The following MEGF11 variants were observed in gnomAD, a reference collection of about 807,000 sequenced individuals.
MEGF11 encodes the protein multiple EGF like domains 11, also known as multiple epidermal growth factor-like domains protein 11.
In MEGF11, 126 loss-of-function variants were observed where a neutral mutation model predicts 146.6. The ratio of observed to expected loss-of-function variants is 0.86; its 90% confidence interval spans 0.74 to 1.00. The LOEUF is 1.00. Ranked by LOEUF, MEGF11 falls within the 50% of genes least tolerant of loss-of-function variation. The probability of loss-of-function intolerance (pLI) is 0.00; values close to 1 mark genes in which losing one functional copy is unlikely to be tolerated. For missense variants in MEGF11, 1,509 were observed against 1,521.2 expected (o/e 0.99, Z 0.13); for synonymous variants, 532 against 583.4 (o/e 0.91, Z 1.27).
intron 10 of MEGF11, among the ~76,000 whole-genome samples, chr15:65,940,555 C>A (rs1252341685): frequency 1.3e-5 from 2 of 152,256 alleles, no homozygotes; most frequent in African/African-American, 4.8e-5. Context: ...GCAGAGCAAA[C>A]CTCGCTGGAC....
At chr15:65,939,994 T>C (rs1274043159) in intron 10 of MEGF11, among the ~76,000 whole-genome samples, 1 of 152,172 alleles carries the variant, frequency 6.6e-6, no homozygotes, top group Non-Finnish European at 1.5e-5. Context: ...ATTCAGGAAA[T>C]GTTTCTTAAG....
At chr15:66,078,447 G>A (rs76705337) in intron 5 of MEGF11, among the ~76,000 whole-genome samples, 3,153 of 152,320 alleles carry the variant, frequency 0.021, 115 homozygotes, top group African/African-American at 0.072. Flanking sequence ...ATGGGGCTGC[G>A]TCAGGAGGAA....
At chr15:66,045,869 G>A (rs191998713) in intron 5 of MEGF11, among the ~76,000 whole-genome samples, 64 of 152,234 alleles carry the variant, frequency 4.2e-4, no homozygotes, top group Non-Finnish European at 5.9e-4. Flanking sequence ...TTGGGAGGTC[G>A]AGGTGGGTGG....
Position 65,898,056 on chromosome 15 carries a change from T to TA in MEGF11, c.3300dup (p.Asn1101Ter), listed in dbSNP as rs765266413. ...TATGCATTCTGGATATAGCTGGAGT[T>TA]ATGACCGCAACCTTCTTGGACCACA... On this transcript the variant is annotated frameshift_variant, in exon 26 of 26. Transcript: ENST00000395614. LOFTEE classifies it high-confidence loss of function. 1.9e-6 allele frequency: 3 copies of TA among 1,613,972 alleles called. No individual in the cohort carries two copies. Among genetic ancestry groups the TA allele is most frequent in the Non-Finnish European group, 2.5e-6 (3 of 1,179,862 alleles).
chr15:65,929,784 G>C lies in MEGF11; in HGVS notation c.1508C>G (p.Pro503Arg). 1 of 1,561,514 alleles carries C rather than the reference G, an allele frequency of 6.4e-7. No homozygotes were observed. The highest frequency in any genetic ancestry group is 8.7e-7 in the Non-Finnish European group (1 of 1,152,802). Residue 503 changes from proline to arginine, a missense_variant, in exon 12 of 26, where the codon CCC (proline) becomes CGC (arginine). Physicochemically the swap from Pro to Arg is moderately radical, Grantham distance 103 (BLOSUM62 -2). Coordinates refer to ENST00000395614, the MANE Select transcript of MEGF11 (RefSeq NM_001385028.1). ...CTCANGAACS[P>R]IDGSCSCTPG... ...AGTGCAGGAGCAGGAGCCGTCTATG[G>C]GGCTGCAGGCTGCCCCATTGGCACA...
intron 1 of MEGF11, among the ~76,000 whole-genome samples, chr15:66,170,768 C>T (rs954030870): frequency 6.6e-6 from 1 of 152,144 alleles, no homozygotes; most frequent in Non-Finnish European, 1.5e-5. Flanking sequence ...CCCCCACTCC[C>T]CATCCCCACC....
chr15:65,992,643 A>AGGGACTTTATCG (rs1273739298), intron 5 of MEGF11, among the ~76,000 whole-genome samples: 9 of 149,088 alleles, frequency 6.0e-5, no homozygotes, highest in Admixed American at 6.7e-5. Context: ...GGACTTTATC[A>AGGGACTTTATCG]GGGACTTTAT....
chr15:66,237,437 G>T (rs986166790), intron 1 of MEGF11, among the ~76,000 whole-genome samples: 53 of 152,148 alleles, frequency 3.5e-4, no homozygotes, highest in Non-Finnish European at 5.9e-5. Context: ...CCTAACATCT[G>T]CTGTTATCTC....
At chr15:65,903,375 AG>A (rs1203389310) in intron 24 of MEGF11, among the ~76,000 whole-genome samples, 1 of 152,208 alleles carries the variant, frequency 6.6e-6, no homozygotes, top group Non-Finnish European at 1.5e-5. Flanking sequence ...GGGAAATAGA[AG>A]GGTGTTGAGC....
Position 66,128,384 on chromosome 15 carries a change from C to T in MEGF11, c.20G>A (p.Gly7Glu). ...TTGCAGGAAGGAGAAGGCAATGAGC[C>T]CCGTCAGGGAGAGCACCATCCCGGG... MVLSLT[G>E]LIAFSFLQAT... is the part of the protein sequence containing the mutation. The change falls in exon 2 of 26, where the codon GGG becomes GAG. Residue 7 changes from glycine (G) to glutamate (E), a missense_variant. Transcript: ENST00000395614. The T allele has an allele frequency of 6.6e-7, 1 of 1,518,510 alleles. No individual in the cohort carries two copies. The allele number at this position is 1,518,510 out of a possible 1,614,324, so 94.1% of individuals were successfully genotyped here.
chr15:65,953,117 A>G (rs2080463159), intron 10 of MEGF11, among the ~76,000 whole-genome samples: 1 of 152,208 alleles, frequency 6.6e-6, no homozygotes, highest in Non-Finnish European at 1.5e-5. Flanking sequence ...TCCTACTGGT[A>G]TCACGGGCAT....
intron 4 of MEGF11, among the ~76,000 whole-genome samples, chr15:66,110,282 C>T (rs931493159): frequency 4.6e-5 from 7 of 152,242 alleles, no homozygotes; most frequent in Non-Finnish European, 7.3e-5. Context: ...TTACATTTCT[C>T]ATTGCAAATG....
intron 16 of MEGF11, among the ~76,000 whole-genome samples, chr15:65,917,316 CT>C (rs1343201256): frequency 6.6e-6 from 1 of 152,140 alleles, no homozygotes; most frequent in Non-Finnish European, 1.5e-5. Flanking sequence ...AGAATGGGGA[CT>C]TTCCTAGGGC....
rs77250885 is a variant in MEGF11, at chr15:66,021,760, G to C, written c.395-39272C>G. Among the ~76,000 whole-genome samples the C allele has an allele frequency of 9.6e-3, 1,460 of 152,346 alleles. 10 individuals are homozygous for C. Among genetic ancestry groups the C allele is most frequent in the Non-Finnish European group, 0.017 (1,153 of 68,024 alleles). ...GACCCAGTTAGGCTGGTGTGAGTTG[G>C]ACATCTCAGGATGGGGAGGGGAGCC... On this transcript the variant is annotated intron_variant, in intron 5 of 25. Coordinates refer to ENST00000395614, the MANE Select transcript of MEGF11 (RefSeq NM_001385028.1).
chr15:66,222,849 T>C (rs901107403), intron 1 of MEGF11, among the ~76,000 whole-genome samples: 1 of 152,206 alleles, frequency 6.6e-6, no homozygotes, highest in Non-Finnish European at 1.5e-5. Context: ...CAAATGCTGA[T>C]GAGGATGTGG....
chr15:66,225,465 C>T (rs1231792334), intron 1 of MEGF11, among the ~76,000 whole-genome samples: 2 of 152,220 alleles, frequency 1.3e-5, no homozygotes, highest in African/African-American at 2.4e-5. Context: ...TGGGTGGTGC[C>T]ACCCTCTACC....
chr15:66,052,010 G>A (rs1050774440), intron 5 of MEGF11, among the ~76,000 whole-genome samples: 8 of 152,106 alleles, frequency 5.3e-5, no homozygotes, highest in African/African-American at 4.8e-5. Context: ...TGCTGGCAAC[G>A]GCACAAAAAT....
At chr15:66,231,036 G>C (rs547695411) in intron 1 of MEGF11, among the ~76,000 whole-genome samples, 2 of 152,282 alleles carry the variant, frequency 1.3e-5, no homozygotes, top group East Asian at 1.9e-4. Flanking sequence ...GCGTTCTATA[G>C]AGAATAAGGT....
chr15:66,097,666 T>A (rs2086611184), intron 4 of MEGF11, among the ~76,000 whole-genome samples: 1 of 150,130 alleles, frequency 6.7e-6, no homozygotes, highest in Non-Finnish European at 1.5e-5. Context: ...AAATATGAAC[T>A]GCACTCTCAC....
Sources: gnomAD v4.1 joint callset for allele counts (sites outside exome capture counted in the v4.1 genomes callset) on GRCh38, gnomAD v4.1.1 for gene constraint, MANE v1.5 for transcripts, NCBI Gene and HGNC (gene_info 2026-07-23, HGNC 2026-07-21) for gene names.